Variants in KCNIP4 observed in about 807,000 individuals in gnomAD.
The protein encoded by KCNIP4 is potassium voltage-gated channel interacting protein 4.
Under a neutral mutation model 34.0 loss-of-function variants are expected in KCNIP4, and 12 were observed. The ratio of observed to expected loss-of-function variants is 0.35; its 90% CI spans 0.23 to 0.57. KCNIP4 has a LOEUF of 0.57. Ranked by LOEUF, KCNIP4 falls within the 20% of genes least tolerant of loss-of-function variation. The pLI is 0.83. For missense variants in KCNIP4, 238 were observed against 311.7 expected (o/e 0.76, Z 1.78); for synonymous variants, 124 against 102.2 (o/e 1.21, Z -1.29).
At chr4:21,325,161 T>C (rs995082607) in intron 1 of KCNIP4, among the ~76,000 whole-genome samples, 9 of 151,928 alleles carry the variant, frequency 5.9e-5, no homozygotes. Context: ...TTTTTCAGAA[T>C]AGTTTGAGTA....
intron 1 of KCNIP4, among the ~76,000 whole-genome samples, chr4:21,879,391 C>T (rs888500183): frequency 3.9e-5 from 6 of 152,220 alleles, no homozygotes; most frequent in Non-Finnish European, 5.9e-5. Context: ...TCAGAGGCCG[C>T]GGACCTGTGA....
chr4:21,463,956 T>C (rs1319676959), intron 1 of KCNIP4, among the ~76,000 whole-genome samples: 1 of 152,078 alleles, frequency 6.6e-6, no homozygotes, highest in East Asian at 1.9e-4. Context: ...GTTGTCTTTC[T>C]AGAAATTTGT....
In KCNIP4 at chr4:21,652,396, C is replaced by T. The variant is rs1747568437; in HGVS notation, c.61+296175G>A. On this transcript the variant is annotated intron_variant, in intron 1 of 8. Transcript: ENST00000382152. Reference sequence around the variant, plus strand: ...AAGTATAGGGAGAAATACCTCAGGCCTTCCTGTCTAAAATGGGGATGTCAG... The same window carrying T: ...AAGTATAGGGAGAAATACCTCAGGCTTTCCTGTCTAAAATGGGGATGTCAG... Among the ~76,000 whole-genome samples the T allele has an allele frequency of 3.3e-5, 5 of 152,074 alleles. No individual in the cohort carries two copies. In the South Asian group the frequency reaches 6.2e-4, roughly 19 times the overall value.
intron 1 of KCNIP4, among the ~76,000 whole-genome samples, chr4:21,729,137 A>G (rs1297276074): frequency 6.6e-6 from 1 of 152,164 alleles, no homozygotes; most frequent in African/African-American, 2.4e-5. Flanking sequence ...AGCACCTTCT[A>G]CAGGGTTTTC....
rs183354183 is a variant in KCNIP4 at position 21,169,578 on chromosome 4, T to C, written c.62-286869A>G. ...TTTAATTGAGTAAATGAGGTTCTAATGCTACCAAATTCAGTCACAGTCTTG... is the reference window on the plus strand; with the variant it reads ...TTTAATTGAGTAAATGAGGTTCTAACGCTACCAAATTCAGTCACAGTCTTG... On this transcript the variant is annotated intron_variant, in intron 1 of 8. Coordinates refer to ENST00000382152, the MANE Select transcript of KCNIP4 (RefSeq NM_025221.6). Among the ~76,000 whole-genome samples, 56 of 152,200 alleles carry C rather than the reference T, an allele frequency of 3.7e-4. 2 individuals are homozygous for C. The East Asian group carries it at 7.4e-3, about 20-fold the overall frequency.
chr4:21,659,615 G>A (rs1272416050), intron 1 of KCNIP4, among the ~76,000 whole-genome samples: 1 of 151,962 alleles, frequency 6.6e-6, no homozygotes, highest in Non-Finnish European at 1.5e-5. Context: ...CTACATTTTA[G>A]GTAATTTTGA....
At chr4:21,094,352 A>G (rs1257064573) in intron 1 of KCNIP4, among the ~76,000 whole-genome samples, 2 of 152,218 alleles carry the variant, frequency 1.3e-5, no homozygotes, top group African/African-American at 4.8e-5. Flanking sequence ...AGGGATTAAC[A>G]TCTAATATGA....
At position 21,832,422 on chromosome 4, in the gene KCNIP4, G is replaced by A. The variant is rs569932525; in HGVS notation, c.61+116149C>T. 2.0e-5 allele frequency among the ~76,000 whole-genome samples: 3 copies of A among 152,192 alleles called. No homozygotes were observed. The East Asian group carries it at 5.8e-4, about 30-fold the overall frequency. The stretch of plus-strand genomic sequence containing the variant: ...GGACAGAATGGCAATGCCAGAGACA[G>A]ACCCAGTACTATATGGAAAGATGGT... On this transcript the variant is annotated intron_variant, in intron 1 of 8. Coordinates refer to ENST00000382152, the MANE Select transcript of KCNIP4 (RefSeq NM_025221.6).
chr4:21,564,238 T>C (rs1252393314), intron 1 of KCNIP4, among the ~76,000 whole-genome samples: 1 of 152,168 alleles, frequency 6.6e-6, no homozygotes, highest in Non-Finnish European at 1.5e-5. Flanking sequence ...ACACGTTGAG[T>C]GCAAAGATGA....
intron 1 of KCNIP4, among the ~76,000 whole-genome samples, chr4:21,824,335 G>A (rs150464665): frequency 1.3e-5 from 2 of 152,206 alleles, no homozygotes; most frequent in East Asian, 1.9e-4. Context: ...TTAGAAATAC[G>A]GTTTAGGAGT....
chr4:20,850,017 C>T (rs1479161184), intron 3 of KCNIP4, among the ~76,000 whole-genome samples: 1 of 152,202 alleles, frequency 6.6e-6, no homozygotes, highest in Non-Finnish European at 1.5e-5. Context: ...AGATGGTTCA[C>T]CCAGGAGGGA....
chr4:21,599,057 C>T (rs1489770939), intron 1 of KCNIP4, among the ~76,000 whole-genome samples: 1 of 152,032 alleles, frequency 6.6e-6, no homozygotes, highest in Non-Finnish European at 1.5e-5. Context: ...TTGCTGTCAA[C>T]ATTCGTCAGA....
At chr4:20,904,257 A>G (rs1387036883) in intron 1 of KCNIP4, among the ~76,000 whole-genome samples, 3 of 151,602 alleles carry the variant, frequency 2.0e-5, no homozygotes, top group Admixed American at 1.3e-4. Context: ...TTTTTTATCA[A>G]TGATTGATTT....
chr4:21,034,690 C>T lies in KCNIP4; in HGVS notation c.62-151981G>A, dbSNP rs373194011. On this transcript the variant is annotated intron_variant, in intron 1 of 8. Transcript: ENST00000382152. The stretch of plus-strand genomic sequence containing the variant: ...AATTTTCAAGGCTTAGTGTGAGTTC[C>T]ATCTGTTATCCTAATTGTTTGTGGA... 7.9e-5 allele frequency among the ~76,000 whole-genome samples: 12 copies of T among 152,280 alleles called. No individual in the cohort carries two copies. The East Asian group carries it at 1.9e-3, about 25-fold the overall frequency.
chr4:21,310,816 G>A (rs186434249), intron 1 of KCNIP4, among the ~76,000 whole-genome samples: 2 of 151,978 alleles, frequency 1.3e-5, no homozygotes, highest in Admixed American at 1.3e-4. Context: ...TTTTAATAGA[G>A]ACGGGGTTTC....
At chr4:21,104,056 T>C (rs1191407888) in intron 1 of KCNIP4, among the ~76,000 whole-genome samples, 4 of 151,954 alleles carry the variant, frequency 2.6e-5, no homozygotes, top group Admixed American at 2.0e-4. Context: ...CATGTCCTTG[T>C]CTCTTTATAG....
chr4:21,461,269 C>T (rs749798283), intron 1 of KCNIP4, among the ~76,000 whole-genome samples: 1 of 152,058 alleles, frequency 6.6e-6, no homozygotes, highest in Non-Finnish European at 1.5e-5. Context: ...TTCTCCTTCA[C>T]CTTCTGCCAT....
At chr4:21,332,466 T>C (rs780661703) in intron 1 of KCNIP4, among the ~76,000 whole-genome samples, 55 of 152,096 alleles carry the variant, frequency 3.6e-4, no homozygotes, top group African/African-American at 1.2e-3. Context: ...CTCAGAGATA[T>C]TGTAAACATT....
chr4:21,783,756 A>C (rs1719723979), intron 1 of KCNIP4, among the ~76,000 whole-genome samples: 1 of 152,200 alleles, frequency 6.6e-6, no homozygotes, highest in African/African-American at 2.4e-5. Context: ...TTATAAATGT[A>C]CATATCGGAG....
Sources: allele counts gnomAD v4.1 joint callset (sites outside exome capture counted in the v4.1 genomes callset), GRCh38; gene constraint gnomAD v4.1.1; transcripts MANE v1.5; gene names NCBI Gene and HGNC (gene_info 2026-07-23, HGNC 2026-07-21).